Variants in TFPI observed in about 807,000 individuals in gnomAD.
TFPI encodes the protein anti-convertin.
TFPI carries 15 observed loss-of-function variants against 34.6 expected under a neutral mutation model. The observed-to-expected ratio is 0.43, with a 90% CI of 0.29 to 0.67. TFPI has a LOEUF of 0.67. TFPI is among the 30% of genes least tolerant of loss of function. The pLI is 0.15. For synonymous variants in TFPI, 105 were observed against 120.1 expected (o/e 0.87, Z 0.82); for missense variants, 301 against 364.0 (o/e 0.83, Z 1.41).
intron 1 of TFPI, 122 bp from the exon 2 acceptor site, chr2:187,503,892 C>T: frequency 2.9e-6 from 3 of 1,037,370 alleles, no homozygotes; most frequent in Non-Finnish European, 4.1e-6. Context: ...TGTGTATACA[C>T]ATACATTTCT....
intron 1 of TFPI, among the ~76,000 whole-genome samples, chr2:187,542,383 CAGAG>C (rs900783765): frequency 2.7e-5 from 4 of 150,712 alleles, no homozygotes; most frequent in South Asian, 2.1e-4. Context: ...GAAACAGAAA[CAGAG>C]AGAGAGATGA....
At chr2:187,522,875 AG>A (rs1020750071) in intron 1 of TFPI, among the ~76,000 whole-genome samples, 2 of 148,934 alleles carry the variant, frequency 1.3e-5, no homozygotes, top group African/African-American at 5.0e-5. Context: ...TGGGTGACAG[AG>A]CGAGACTGTG....
chr2:187,532,699 C>A (rs935434842), intron 1 of TFPI, among the ~76,000 whole-genome samples: 1 of 151,908 alleles, frequency 6.6e-6, no homozygotes, highest in African/African-American at 2.4e-5. Context: ...TTTTTTCATA[C>A]CCCAGTGGCG....
chr2:187,522,761 G>A (rs1191138064), intron 1 of TFPI, among the ~76,000 whole-genome samples: 1 of 150,624 alleles, frequency 6.6e-6, no homozygotes, highest in Non-Finnish European at 1.5e-5. Flanking sequence ...CACGGTGGTG[G>A]GCGCCTGTAG....
intron 1 of TFPI, among the ~76,000 whole-genome samples, chr2:187,552,587 C>T (rs1689134908): frequency 6.6e-6 from 1 of 151,924 alleles, no homozygotes; most frequent in African/African-American, 2.4e-5. Flanking sequence ...GACAATCAGT[C>T]AGACCATCAA....
At chr2:187,519,138 T>G (rs2106199863) in intron 1 of TFPI, 1 of 152,336 alleles carries the variant, frequency 6.6e-6, no homozygotes. Flanking sequence ...TGAAGCCTAC[T>G]TCTGTCAATT....
intron 6 of TFPI, among the ~76,000 whole-genome samples, chr2:187,483,209 T>C (rs1179082453): frequency 6.6e-6 from 1 of 151,964 alleles, no homozygotes; most frequent in Non-Finnish European, 1.5e-5. Context: ...AATCTGATTC[T>C]GATAAATGGC....
At chr2:187,543,975 A>AG (rs1275478397) in intron 1 of TFPI, among the ~76,000 whole-genome samples, 2 of 152,190 alleles carry the variant, frequency 1.3e-5, no homozygotes, top group African/African-American at 2.4e-5. Flanking sequence ...ATAAAAATAT[A>AG]GGAAAAACCT....
intron 3 of TFPI, among the ~76,000 whole-genome samples, chr2:187,492,888 G>T (rs1685216006): frequency 6.6e-6 from 1 of 152,168 alleles, no homozygotes; most frequent in Admixed American, 6.5e-5. Context: ...AGTTAATGCT[G>T]AAATGAGTTA....
At chr2:187,548,824 G>T (rs1688991219) in intron 1 of TFPI, among the ~76,000 whole-genome samples, 1 of 151,974 alleles carries the variant, frequency 6.6e-6, no homozygotes, top group Non-Finnish European at 1.5e-5. Context: ...CTTGTTATGG[G>T]AATTGAGGCT....
intron 1 of TFPI, among the ~76,000 whole-genome samples, chr2:187,528,241 A>C (rs1687777943): frequency 6.6e-6 from 1 of 152,172 alleles, no homozygotes; most frequent in South Asian, 2.1e-4. Flanking sequence ...AACCTGGAGA[A>C]TTGCCTCTCA....
chr2:187,541,440 A>C (rs559694035), intron 1 of TFPI, among the ~76,000 whole-genome samples: 116 of 152,288 alleles, frequency 7.6e-4, no homozygotes, highest in Non-Finnish European at 1.4e-3. Context: ...ATAAAAAAGA[A>C]CGTAGCCCTA....
rs1685995158 is a variant in TFPI at position 187,503,555 on chromosome 2, T to A, written c.121+93A>T. 29 of 1,457,982 alleles carry A rather than the reference T, an allele frequency of 2.0e-5. No homozygotes were observed. The South Asian group carries it at 3.3e-4, about 16-fold the overall frequency. 90.3% of individuals were successfully genotyped at this position (1,457,982 alleles called of 1,614,324 possible). A position where few individuals can be genotyped will look rare whatever the true frequency, so the allele number is the denominator to read the frequency against. ...AAAATATCACTTCAATAACAACTAATTTCCCTCCACAATGGAAAACTATGG... is the reference window on the plus strand; with the variant it reads ...AAAATATCACTTCAATAACAACTAAATTCCCTCCACAATGGAAAACTATGG... On this transcript the variant is annotated intron_variant, in intron 2 of 7. Transcript: ENST00000233156.
At chr2:187,512,890 C>A (rs1686744908) in intron 1 of TFPI, among the ~76,000 whole-genome samples, 1 of 151,688 alleles carries the variant, frequency 6.6e-6, no homozygotes, top group Admixed American at 6.6e-5. Context: ...AAAGTTAACG[C>A]ATGTCAAAGA....
chr2:187,471,256 A>G lies in TFPI; in HGVS notation c.629-3324T>C, dbSNP rs189909186. On this transcript the variant is annotated intron_variant, in intron 6 of 7. Transcript: ENST00000233156. ...GCAGTAAGACTATCATTGGGTTACT[A>G]TACCATAAATGACAGTAAAATTAAA... Among the ~76,000 whole-genome samples, 108 of 152,320 alleles carry G rather than the reference A, an allele frequency of 7.1e-4. 1 individual carries two copies. The highest frequency in any genetic ancestry group is 5.0e-3 in the East Asian group (26 of 5,184).
At position 187,522,314 on chromosome 2, in the gene TFPI, T is replaced by C. The variant is rs576636751; in HGVS notation, c.-2-18544A>G. ...ATGTCAAGATTTTCCCCTATGCTTT[T>C]GTCTAGAAGTTTTACATTTTCAGGT... On this transcript the variant is annotated intron_variant, in intron 1 of 7. Transcript: ENST00000233156. Among the ~76,000 whole-genome samples the C allele has an allele frequency of 2.0e-5, 3 of 152,234 alleles. No individual in the cohort carries two copies. In the South Asian group the frequency reaches 6.2e-4, roughly 32 times the overall value.
chr2:187,505,488 T>C (rs1231634467), intron 1 of TFPI, among the ~76,000 whole-genome samples: 1 of 152,146 alleles, frequency 6.6e-6, no homozygotes, highest in East Asian at 1.9e-4. Flanking sequence ...GCTGGTGAGC[T>C]GAGCACCACC....
At chr2:187,485,546 T>A (rs1277398019) in intron 4 of TFPI, among the ~76,000 whole-genome samples, 1 of 151,762 alleles carries the variant, frequency 6.6e-6, no homozygotes, top group Non-Finnish European at 1.5e-5. Flanking sequence ...GGACATCCTT[T>A]ACTGCTGTGT....
chr2:187,469,068 T>A (rs1050830323), intron 6 of TFPI, among the ~76,000 whole-genome samples: 1 of 151,390 alleles, frequency 6.6e-6, no homozygotes, highest in Non-Finnish European at 1.5e-5. Context: ...AGAAAAGAAA[T>A]AAAACAAAGT....
Sources: allele counts gnomAD v4.1 joint callset (sites outside exome capture counted in the v4.1 genomes callset), GRCh38; gene constraint gnomAD v4.1.1; transcripts MANE v1.5; gene names NCBI Gene and HGNC (gene_info 2026-07-23, HGNC 2026-07-21).